Variants in LYRM4 observed in about 807,000 individuals in gnomAD.
LYRM4 encodes LYR motif containing 4.
A neutral mutation model predicts 11.7 loss-of-function variants in LYRM4; 9 were observed. That is an observed-to-expected ratio of 0.77 (90% CI 0.46 to 1.34). The LOEUF (loss-of-function observed/expected upper bound fraction) is 1.34, where lower values mean the gene tolerates loss of function less well. LYRM4 is among the 40% of genes most tolerant of loss of function. The pLI is 0.00. For synonymous variants in LYRM4, 42 were observed against 40.4 expected, an observed-to-expected ratio of 1.04 and a Z score of -0.15; for missense variants, 133 against 112.5, an observed-to-expected ratio of 1.18 and a Z score of -0.82.
chr6:5,110,835 G>T (rs1762848045), intron 2 of LYRM4, among the ~76,000 whole-genome samples: 1 of 152,208 alleles, frequency 6.6e-6, no homozygotes, highest in Non-Finnish European at 1.5e-5. Flanking sequence ...GACGCAAGTG[G>T]ATGGGGAGGG....
At chr6:5,055,105 T>C in the LYRM4 span, among the ~76,000 whole-genome samples, 1 of 152,220 alleles carries the variant, frequency 6.6e-6, no homozygotes, top group Non-Finnish European at 1.5e-5. The surrounding 1 kb of genome is among the most constrained non-coding windows in gnomAD (Gnocchi z 4.5). Flanking sequence ...CCAGCTTAAC[T>C]CTTTCAACCA....
At chr6:5,198,891 C>T (rs993328446) in intron 2 of LYRM4, among the ~76,000 whole-genome samples, 16 of 152,018 alleles carry the variant, frequency 1.1e-4, no homozygotes, top group African/African-American at 2.9e-4. Flanking sequence ...ATAATCAAAA[C>T]GACAGAAAAA....
intron 2 of LYRM4, among the ~76,000 whole-genome samples, chr6:5,123,483 G>A (rs1363892235): frequency 6.6e-6 from 1 of 152,204 alleles, no homozygotes; most frequent in African/African-American, 2.4e-5. Flanking sequence ...CTGAGTATAC[G>A]TATAAGCACT....
At chr6:5,151,440 T>C (rs7745836) in intron 2 of LYRM4, among the ~76,000 whole-genome samples, 91,110 of 152,024 alleles carry the variant, frequency 0.6, 28,045 homozygotes, top group East Asian at 0.74. Context: ...TCCCTTTCAC[T>C]GGGTTTGCCC....
At chr6:5,214,065 C>G (rs1204426999) in intron 2 of LYRM4, among the ~76,000 whole-genome samples, 1 of 152,230 alleles carries the variant, frequency 6.6e-6, no homozygotes, top group Non-Finnish European at 1.5e-5. Context: ...CTCTTCGCCA[C>G]CCAGTGGAGA....
At chr6:5,085,473 G>A in the LYRM4 span, 1 of 1,527,766 alleles carries the variant, frequency 6.5e-7, no homozygotes, top group Non-Finnish European at 8.8e-7. Context: ...CAAGTCCAGG[G>A]GCGAACGGCG....
chr6:5,100,337 C>T (rs1225089335), downstream of LYRM4, among the ~76,000 whole-genome samples: 7 of 152,162 alleles, frequency 4.6e-5, no homozygotes, highest in South Asian at 2.1e-4. Context: ...CCAGCAGGAA[C>T]GGTCCCTGCC....
At chr6:5,075,971 G>GA in the LYRM4 span, among the ~76,000 whole-genome samples, 4 of 150,220 alleles carry the variant, frequency 2.7e-5, no homozygotes, top group Non-Finnish European at 4.4e-5. Context: ...AGGGTTCTCA[G>GA]AAAAAACCCG....
intron 1 of LYRM4, among the ~76,000 whole-genome samples, chr6:5,246,636 G>C (rs1764209957): frequency 6.6e-6 from 1 of 152,210 alleles, no homozygotes; most frequent in Non-Finnish European, 1.5e-5. Context: ...GGTGAAGGTA[G>C]TGAGGGTGAA....
chr6:5,231,535 A>G (rs988497663), intron 1 of LYRM4, among the ~76,000 whole-genome samples: 22 of 152,218 alleles, frequency 1.4e-4, no homozygotes, highest in South Asian at 2.1e-4. Flanking sequence ...TTTTATGCAG[A>G]TGAGTCTGTG....
downstream of LYRM4, chr6:5,103,159 C>G (rs548478613): frequency 6.6e-6 from 1 of 152,340 alleles, no homozygotes; most frequent in African/African-American, 2.4e-5. Flanking sequence ...TCCAAGAAAG[C>G]CTGCTGAATC....
chr6:5,090,676 C>G, the LYRM4 span, among the ~76,000 whole-genome samples: 1 of 152,156 alleles, frequency 6.6e-6, no homozygotes, highest in Non-Finnish European at 1.5e-5. This position sits in a 1 kb window ranked among gnomAD's most constrained non-coding sequence, Gnocchi z 4.8. Context: ...CTGCCTTGAC[C>G]GAGGGGTGAG....
intron 2 of LYRM4, among the ~76,000 whole-genome samples, chr6:5,215,966 C>T (rs772292468): frequency 9.2e-5 from 14 of 152,198 alleles, no homozygotes; most frequent in Non-Finnish European, 1.8e-4. Context: ...GTTCTAATTA[C>T]TCTTGCGGAT....
intron 1 of LYRM4, among the ~76,000 whole-genome samples, chr6:5,260,320 A>T (rs1186486084): frequency 6.6e-6 from 1 of 152,266 alleles, no homozygotes; most frequent in Non-Finnish European, 1.5e-5. Context: ...TTAACTTCAC[A>T]AATGACTGAT....
At chr6:5,086,043 G>A in the LYRM4 span, 246 of 1,484,546 alleles carry the variant, frequency 1.7e-4, 2 homozygotes, top group African/African-American at 3.2e-3. Context: ...CGGCGGCAGT[G>A]GCCGCGCCCC....
At chr6:5,132,851 A>G (rs1015268654) in intron 2 of LYRM4, 2 of 152,276 alleles carry the variant, frequency 1.3e-5, no homozygotes, top group Non-Finnish European at 2.9e-5. Context: ...CCTATTTGCA[A>G]CTCTGCCAAG....
intron 2 of LYRM4, among the ~76,000 whole-genome samples, chr6:5,148,518 G>GGGGGCAGAGTCAGAACTCT (rs1321881105): frequency 3.7e-5 from 2 of 54,382 alleles, no homozygotes; most frequent in Admixed American, 1.7e-4. Flanking sequence ...AGCTGGGCTG[G>GGGGGCAGAGTCAGAACTCT]GTATACGCCT....
intron 2 of LYRM4, among the ~76,000 whole-genome samples, chr6:5,115,771 G>A (rs1292350309): frequency 6.6e-6 from 1 of 152,144 alleles, no homozygotes; most frequent in Non-Finnish European, 1.5e-5. Context: ...ACCCATTCCA[G>A]TATGACAATT....
the LYRM4 span, among the ~76,000 whole-genome samples, chr6:5,070,870 A>G: frequency 4.6e-5 from 4 of 87,602 alleles, no homozygotes; most frequent in Admixed American, 1.0e-4. Context: ...CCCTGTCTTG[A>G]AAAAAAAAAA....
Sources: allele counts gnomAD v4.1 joint callset (sites outside exome capture counted in the v4.1 genomes callset), GRCh38; gene constraint gnomAD v4.1.1; non-coding constraint Gnocchi (gnomAD v3.1); transcripts MANE v1.5; gene names NCBI Gene and HGNC (gene_info 2026-07-23, HGNC 2026-07-21).